The following ARHGAP19 variants were observed in gnomAD, a reference collection of about 807,000 sequenced individuals.
The protein encoded by ARHGAP19 is Rho GTPase activating protein 19.
Under a neutral mutation model 60.9 loss-of-function variants are expected in ARHGAP19, and 48 were observed. The observed-to-expected ratio is 0.79, with a 90% CI of 0.62 to 1.00. ARHGAP19 has a LOEUF of 1.00. Among genes scored for constraint, ARHGAP19 ranks in the 50% least tolerant of loss-of-function variants. ARHGAP19 has a pLI of 0.00. For synonymous variants in ARHGAP19, 209 were observed against 215.5 expected (o/e 0.97, Z 0.27); for missense variants, 562 against 597.2 (o/e 0.94, Z 0.61).
chr10:97,258,757 G>A (rs1842788912), intron 5 of ARHGAP19: 1 of 152,308 alleles, frequency 6.6e-6, no homozygotes, highest in African/African-American at 2.4e-5. Context: ...ACGAGACCCT[G>A]TCTCAAAAAA....
In ARHGAP19 at chr10:97,223,378, A is replaced by G. The variant is rs1358552295; in HGVS notation, c.*2744T>C. On this transcript the variant is annotated 3_prime_UTR_variant, in exon 12 of 12. Transcript: ENST00000358531. ...TTTCACACCAGATTCATTGGTCCCAATGCAAAAGTCTATCATTGTAAAAGG... is the reference window on the plus strand; with the variant it reads ...TTTCACACCAGATTCATTGGTCCCAGTGCAAAAGTCTATCATTGTAAAAGG... The G allele has an allele frequency of 6.6e-6, 1 of 152,168 alleles. No individual in the cohort carries two copies. Among genetic ancestry groups the G allele is most frequent in the Non-Finnish European group, 1.5e-5 (1 of 68,050 alleles). The allele number at this position is 152,168 out of a possible 1,614,324, so 9.4% of individuals were successfully genotyped here.
chr10:97,249,729 T>C (rs1281980144), intron 6 of ARHGAP19, among the ~76,000 whole-genome samples: 1 of 152,004 alleles, frequency 6.6e-6, no homozygotes, highest in Non-Finnish European at 1.5e-5. Flanking sequence ...GGAATTTGAA[T>C]ATGTACTGAA....
intron 9 of ARHGAP19, 103 bp downstream of exon 9, chr10:97,235,114 T>C: frequency 1.8e-6 from 2 of 1,105,762 alleles, no homozygotes; most frequent in Non-Finnish European, 2.7e-6. Flanking sequence ...TAGCCCTTTA[T>C]AGGGTCCCCA....
intron 9 of ARHGAP19, among the ~76,000 whole-genome samples, chr10:97,232,189 A>C (rs1851036482): frequency 8.7e-6 from 1 of 114,962 alleles, no homozygotes; most frequent in Non-Finnish European, 1.6e-5. Context: ...TTTGAGACAG[A>C]GTCTCGCTCT....
At chr10:97,271,383 C>T (rs1589376288) in intron 1 of ARHGAP19, among the ~76,000 whole-genome samples, 1 of 151,340 alleles carries the variant, frequency 6.6e-6, no homozygotes, top group South Asian at 2.1e-4. Context: ...TAATAAAATA[C>T]AAGACAAGCC....
At chr10:97,259,149 A>G (rs1842794070) in intron 5 of ARHGAP19, among the ~76,000 whole-genome samples, 1 of 152,234 alleles carries the variant, frequency 6.6e-6, no homozygotes, top group Non-Finnish European at 1.5e-5. Context: ...TTCAGTAGTT[A>G]TAATTTCCCA....
chr10:97,286,936 G>GTT (rs61654186), intron 1 of ARHGAP19, among the ~76,000 whole-genome samples: 15 of 151,914 alleles, frequency 9.9e-5, no homozygotes, highest in African/African-American at 3.6e-4. Context: ...AAAGTGGATA[G>GTT]TTTTTTTTGT....
At chr10:97,244,295 A>G in intron 7 of ARHGAP19, 136 bp from the exon 8 acceptor site, 1 of 616,302 alleles carries the variant, frequency 1.6e-6, no homozygotes, top group East Asian at 2.8e-5. Context: ...GAAAAATCTT[A>G]ACACTATTAT....
intron 5 of ARHGAP19, chr10:97,258,896 C>A (rs1842790753): frequency 6.6e-6 from 1 of 152,572 alleles, no homozygotes; most frequent in Non-Finnish European, 1.5e-5. Context: ...TAAGAAGAAG[C>A]AAGTTCAGCT....
intron 1 of ARHGAP19, among the ~76,000 whole-genome samples, chr10:97,271,633 T>C (rs930713463): frequency 4.6e-5 from 7 of 152,058 alleles, no homozygotes; most frequent in Non-Finnish European, 8.8e-5. Flanking sequence ...ACTCATCACT[T>C]AGCAAAATCA....
chr10:97,251,170 GGGAAGGGAAAGGGAAA>G (rs1842641710), intron 6 of ARHGAP19, among the ~76,000 whole-genome samples: 1 of 109,712 alleles, frequency 9.1e-6, no homozygotes. Context: ...GGAAGGGAAG[GGGAAGGGAAAGGGAAA>G]GGAAGGGAAG....
At chr10:97,247,051 C>T (rs949375945) in intron 6 of ARHGAP19, among the ~76,000 whole-genome samples, 3 of 151,820 alleles carry the variant, frequency 2.0e-5, no homozygotes, top group South Asian at 4.2e-4. Context: ...GCAGGAGAAT[C>T]GCTTGAACCC....
At chr10:97,283,842 A>AAC (rs1222899203) in intron 1 of ARHGAP19, among the ~76,000 whole-genome samples, 1 of 151,328 alleles carries the variant, frequency 6.6e-6, no homozygotes, top group Non-Finnish European at 1.5e-5. Context: ...AAAAAAAAAA[A>AAC]AAAAAAAACT....
In ARHGAP19 at chr10:97,235,210, T is replaced by C. The variant is rs369754979; in HGVS notation, c.1284+7A>G. 10 of 1,602,342 alleles carry C rather than the reference T, an allele frequency of 6.2e-6. No homozygotes were observed. The highest frequency in any genetic ancestry group is 8.5e-6 in the Non-Finnish European group (10 of 1,170,306). On this transcript the variant is annotated splice_region_variant and intron_variant, in intron 9 of 11. Transcript: ENST00000358531. ...CAATGCTGAAAACGACAGCCCAGCATACCTACCTTAATAAGCCCACTGAAG... is the reference window on the plus strand; with the variant it reads ...CAATGCTGAAAACGACAGCCCAGCACACCTACCTTAATAAGCCCACTGAAG...
At chr10:97,291,982 A>C (rs1346458295) in intron 1 of ARHGAP19, among the ~76,000 whole-genome samples, 1 of 152,246 alleles carries the variant, frequency 6.6e-6, no homozygotes, top group Non-Finnish European at 1.5e-5. Context: ...ACTAGGAAGA[A>C]GAAAATCTAT....
In ARHGAP19 at chr10:97,289,789, G is replaced by A. The variant is rs547864937; in HGVS notation, c.56+2783C>T. The stretch of plus-strand genomic sequence containing the variant: ...GGACCAGTTGAGCCCAGGAGGTTGA[G>A]GCTGCAGGGACCTGTGATCGTATCA... On this transcript the variant is annotated intron_variant, in intron 1 of 11. Coordinates refer to ENST00000358531, the MANE Select transcript of ARHGAP19 (RefSeq NM_032900.6). 7.3e-5 allele frequency among the ~76,000 whole-genome samples: 11 copies of A among 151,576 alleles called. No individual in the cohort carries two copies. The South Asian group carries it at 2.3e-3, about 32-fold the overall frequency.
At chr10:97,231,649 T>C (rs568175766) in intron 9 of ARHGAP19, among the ~76,000 whole-genome samples, 12 of 152,326 alleles carry the variant, frequency 7.9e-5, no homozygotes, top group African/African-American at 2.9e-4. Context: ...TCTTTCCTTT[T>C]TAAGGACAAA....
intron 4 of ARHGAP19, among the ~76,000 whole-genome samples, chr10:97,261,218 T>TA (rs1341779397): frequency 1.3e-5 from 2 of 152,284 alleles, no homozygotes; most frequent in East Asian, 3.9e-4. Flanking sequence ...CACATAGATG[T>TA]AAAAATGATT....
At chr10:97,256,492 G>A in intron 5 of ARHGAP19, 88 bp from the exon 6 acceptor site, 2 of 977,998 alleles carry the variant, frequency 2.0e-6, no homozygotes, top group Non-Finnish European at 1.6e-6. Flanking sequence ...AATGTATGAA[G>A]TTTCTATCCC....
Sources: allele counts gnomAD v4.1 joint callset (sites outside exome capture counted in the v4.1 genomes callset), GRCh38; gene constraint gnomAD v4.1.1; transcripts MANE v1.5; gene names NCBI Gene and HGNC (gene_info 2026-07-23, HGNC 2026-07-21).